Variants in KCNC2 observed in about 807,000 individuals in gnomAD.
The protein encoded by KCNC2 is potassium voltage-gated channel subfamily C member 2.
A neutral mutation model predicts 44.5 loss-of-function variants in KCNC2; 21 were observed. That is an observed-to-expected ratio of 0.47 (90% confidence interval 0.33 to 0.68). KCNC2 has a LOEUF of 0.68. KCNC2 is among the 30% of genes least tolerant of loss of function. KCNC2 has a pLI of 0.01. For missense variants in KCNC2, 589 were observed against 826.2 expected, an observed-to-expected ratio of 0.71 and a Z score of 3.52; for synonymous variants, 391 against 339.1, an observed-to-expected ratio of 1.15 and a Z score of -1.68.
rs1879972081 is a variant in KCNC2 at position 75,042,107 on chromosome 12, A to C, written c.*998T>G. On this transcript the variant is annotated 3_prime_UTR_variant, in exon 5 of 5. Coordinates refer to ENST00000549446, the MANE Select transcript of KCNC2 (RefSeq NM_139137.4). Reference sequence around the variant, plus strand: ...GTGACATTTGATGTTTGCACAAAAAATTAATAAATAAAAATAAAATAAGGG... The same window carrying C: ...GTGACATTTGATGTTTGCACAAAAACTTAATAAATAAAAATAAAATAAGGG... 2.4e-6 allele frequency: 3 copies of C among 1,244,512 alleles called. No individual in the cohort carries two copies. The highest frequency in any genetic ancestry group is 3.0e-6 in the Non-Finnish European group (3 of 994,238). The allele number at this position is 1,244,512 out of a possible 1,614,324, so 77.1% of individuals were successfully genotyped here. A position where few individuals can be genotyped will look rare whatever the true frequency, so the allele number is the denominator to read the frequency against.
In KCNC2 at chr12:75,207,711, C is replaced by T. The variant is rs764395888; in HGVS notation, c.273G>A (p.Arg91=). 35 of 1,580,324 alleles carry T rather than the reference C, an allele frequency of 2.2e-5. No individual in the cohort carries two copies. The highest frequency in any genetic ancestry group is 2.8e-5 in the Non-Finnish European group (33 of 1,163,828). Residue 91 remains arginine, a synonymous_variant, in exon 2 of 5, where the codon AGG becomes AGA. Coordinates refer to ENST00000549446, the MANE Select transcript of KCNC2 (RefSeq NM_139137.4). This position sits in a 1 kb window ranked among gnomAD's most constrained non-coding sequence, Gnocchi z 4.1. The part of the protein sequence containing the change: ...GAGNCSSRGG[R]ASDHPGGGRE... ...GGCCGCCACCGGGATGGTCGCTGGC[C>T]CTGCCGCCGCGGGAACTGCAGTTGC... is the stretch of plus-strand genomic sequence containing the variant.
intron 2 of KCNC2, among the ~76,000 whole-genome samples, chr12:75,077,135 A>G (rs73357097): frequency 0.028 from 4,227 of 152,244 alleles, 220 homozygotes; most frequent in African/African-American, 0.095. Flanking sequence ...ACTAAAATCT[A>G]TTTATTTAAC....
chr12:75,196,226 G>A (rs148536034), intron 2 of KCNC2, among the ~76,000 whole-genome samples: 7 of 152,116 alleles, frequency 4.6e-5, no homozygotes, highest in East Asian at 1.9e-4. Flanking sequence ...TCACCTTGCC[G>A]CTTGCAATAT....
At chr12:75,129,838 G>C (rs1888703043) in intron 2 of KCNC2, among the ~76,000 whole-genome samples, 1 of 152,134 alleles carries the variant, frequency 6.6e-6, no homozygotes, top group Admixed American at 6.6e-5. Flanking sequence ...ATTTTAGAAG[G>C]CTGAGAAATT....
intron 2 of KCNC2, among the ~76,000 whole-genome samples, chr12:75,108,651 C>T (rs1886981525): frequency 6.6e-6 from 1 of 152,218 alleles, no homozygotes; most frequent in Non-Finnish European, 1.5e-5. Context: ...ACAATTACCA[C>T]TTGCTCCCCT....
chr12:75,158,585 T>C (rs1470533701), intron 2 of KCNC2, among the ~76,000 whole-genome samples: 1 of 151,850 alleles, frequency 6.6e-6, no homozygotes, highest in Non-Finnish European at 1.5e-5. Context: ...ACATTTCCCA[T>C]GACATTTATT....
intron 2 of KCNC2, among the ~76,000 whole-genome samples, chr12:75,193,694 A>G (rs995351296): frequency 6.6e-6 from 1 of 152,180 alleles, no homozygotes; most frequent in Non-Finnish European, 1.5e-5. Flanking sequence ...GAAATGCTCT[A>G]AAGTTCTATC....
chr12:75,118,554 C>A (rs754361617), intron 2 of KCNC2, among the ~76,000 whole-genome samples: 4 of 151,740 alleles, frequency 2.6e-5, no homozygotes, highest in Admixed American at 6.6e-5. Flanking sequence ...AGCATGCTGG[C>A]AAAGAGCAGA....
chr12:75,049,645 C>A (rs762361904), intron 3 of KCNC2, among the ~76,000 whole-genome samples: 2 of 151,944 alleles, frequency 1.3e-5, no homozygotes, highest in Non-Finnish European at 2.9e-5. Context: ...GAGCAGAACC[C>A]AACACATTGT....
chr12:75,193,156 C>T (rs867435205), intron 2 of KCNC2, among the ~76,000 whole-genome samples: 1 of 152,128 alleles, frequency 6.6e-6, no homozygotes, highest in Non-Finnish European at 1.5e-5. Flanking sequence ...GAAGCCTATA[C>T]ACATATAGTC....
At chr12:75,133,502 T>C (rs763073162) in intron 2 of KCNC2, among the ~76,000 whole-genome samples, 10 of 151,930 alleles carry the variant, frequency 6.6e-5, no homozygotes, top group Non-Finnish European at 1.3e-4. Context: ...TTAAGTTTTT[T>C]ATAGATGGGT....
At chr12:75,092,831 A>C (rs1008954711) in intron 2 of KCNC2, among the ~76,000 whole-genome samples, 1 of 151,680 alleles carries the variant, frequency 6.6e-6, no homozygotes, top group Non-Finnish European at 1.5e-5. Flanking sequence ...TTCTTTTAAT[A>C]AAAAGAACAA....
At chr12:75,126,654 C>T (rs935740398) in intron 2 of KCNC2, among the ~76,000 whole-genome samples, 1 of 152,040 alleles carries the variant, frequency 6.6e-6, no homozygotes, top group African/African-American at 2.4e-5. Flanking sequence ...CATTCAGAAT[C>T]GTTCTGGCAC....
At chr12:75,208,040 T>C in intron 1 of KCNC2, 38 bp from the exon 2 acceptor site, 1 of 1,603,616 alleles carries the variant, frequency 6.2e-7, no homozygotes, top group East Asian at 2.3e-5. Context: ...TTAAAGATCT[T>C]AGCCGTCAAA....
chr12:75,090,347 G>C lies in KCNC2; in HGVS notation c.688-39030C>G, dbSNP rs1017443037. 3.3e-5 allele frequency among the ~76,000 whole-genome samples: 5 copies of C among 150,920 alleles called. No homozygotes were observed. In the South Asian group the frequency reaches 1.0e-3, roughly 32 times the overall value. ...TTCCTTCTCTTCATGCTTTTAATAGGCCATTATGCCCTTTTTTACACCAGA... is the reference window on the plus strand; with the variant it reads ...TTCCTTCTCTTCATGCTTTTAATAGCCCATTATGCCCTTTTTTACACCAGA... On this transcript the variant is annotated intron_variant, in intron 2 of 4. Coordinates refer to ENST00000549446, the MANE Select transcript of KCNC2 (RefSeq NM_139137.4).
intron 2 of KCNC2, among the ~76,000 whole-genome samples, chr12:75,073,448 C>T (rs1168261224): frequency 6.6e-6 from 1 of 151,902 alleles, no homozygotes; most frequent in Non-Finnish European, 1.5e-5. Flanking sequence ...GGTAAGATTT[C>T]CAAAAAATTA....
At chr12:75,134,795 T>C (rs1889112260) in intron 2 of KCNC2, among the ~76,000 whole-genome samples, 2 of 151,960 alleles carry the variant, frequency 1.3e-5, no homozygotes, top group Admixed American at 1.3e-4. Context: ...CAGCCTAATA[T>C]AAAATACAAT....
rs756254087 is a variant in KCNC2 at position 75,041,102 on chromosome 12, G to T, written c.*2003C>A. ...CCAAGTGCAACCTGGTCACATCAGG[G>T]CACATTCAGCAGCAGAAGTCTGTTT... is the stretch of plus-strand genomic sequence containing the variant. On this transcript the variant is annotated 3_prime_UTR_variant, in exon 5 of 5. Coordinates refer to ENST00000549446, the MANE Select transcript of KCNC2 (RefSeq NM_139137.4). The T allele has an allele frequency of 6.3e-7, 1 of 1,595,848 alleles. No individual in the cohort carries two copies. Among genetic ancestry groups the T allele is most frequent in the East Asian group, 2.2e-5 (1 of 44,780 alleles).
chr12:75,092,882 AG>A (rs1314388902), intron 2 of KCNC2, among the ~76,000 whole-genome samples: 1 of 151,668 alleles, frequency 6.6e-6, no homozygotes, highest in East Asian at 1.9e-4. Flanking sequence ...TATGTGGATA[AG>A]CTTATTATAT....
Sources: allele counts gnomAD v4.1 joint callset (sites outside exome capture counted in the v4.1 genomes callset), GRCh38; gene constraint gnomAD v4.1.1; non-coding constraint Gnocchi (gnomAD v3.1); transcripts MANE v1.5; gene names NCBI Gene and HGNC (gene_info 2026-07-23, HGNC 2026-07-21).